Variants in AGBL1 observed in about 807,000 individuals in gnomAD.
AGBL1 encodes cytosolic carboxypeptidase 4.
Under a neutral mutation model 118.9 loss-of-function variants are expected in AGBL1, and 130 were observed. The ratio of observed to expected loss-of-function variants is 1.09; its 90% CI spans 0.95 to 1.26. The LOEUF is 1.26. Among genes scored for constraint, AGBL1 ranks in the 50% most tolerant of loss-of-function variants. AGBL1 has a pLI of 0.00. For synonymous variants in AGBL1, 555 were observed against 478.9 expected (o/e 1.16, Z -2.08); for missense variants, 1,584 against 1,298.1 (o/e 1.22, Z -3.38).
At chr15:86,305,919 A>T (rs1332042820) in intron 17 of AGBL1, among the ~76,000 whole-genome samples, 1 of 152,174 alleles carries the variant, frequency 6.6e-6, no homozygotes, top group Admixed American at 6.5e-5. Context: ...ACAAAGTGTA[A>T]GAGATTATTT....
chr15:86,871,827 C>T (rs1156590969), intron 22 of AGBL1, among the ~76,000 whole-genome samples: 1 of 152,178 alleles, frequency 6.6e-6, no homozygotes, highest in Non-Finnish European at 1.5e-5. Context: ...TGGGACAACA[C>T]TACTTTGTCT....
chr15:86,803,745 G>T (rs1474979222), intron 22 of AGBL1, among the ~76,000 whole-genome samples: 5 of 152,124 alleles, frequency 3.3e-5, no homozygotes, highest in Admixed American at 3.3e-4. Context: ...TAGTGCAGTG[G>T]TCCTCAACCA....
At chr15:86,351,562 C>T (rs886092042) in intron 17 of AGBL1, among the ~76,000 whole-genome samples, 5 of 152,078 alleles carry the variant, frequency 3.3e-5, no homozygotes, top group African/African-American at 1.2e-4. Context: ...GAAGGCCACT[C>T]CTTTGCACAC....
intron 15 of AGBL1, 94 bp from the exon 16 acceptor site, chr15:86,279,545 C>A: frequency 4.0e-6 from 5 of 1,240,956 alleles, no homozygotes; most frequent in Non-Finnish European, 5.7e-6. Flanking sequence ...CAGTATATAA[C>A]GCACAAGATT....
chr15:86,228,858 C>G (rs2141942556), intron 6 of AGBL1, among the ~76,000 whole-genome samples: 1 of 152,320 alleles, frequency 6.6e-6, no homozygotes, highest in South Asian at 2.1e-4. Context: ...TAGTTCTCTT[C>G]TCCAGTTATC....
At chr15:86,461,283 A>G (rs2082332440) in intron 18 of AGBL1, among the ~76,000 whole-genome samples, 2 of 152,140 alleles carry the variant, frequency 1.3e-5, no homozygotes, top group East Asian at 1.9e-4. Flanking sequence ...GGGTTTATAA[A>G]AAATGTTTGC....
At chr15:86,505,619 A>C (rs2082967040) in intron 18 of AGBL1, among the ~76,000 whole-genome samples, 1 of 151,854 alleles carries the variant, frequency 6.6e-6, no homozygotes, top group Non-Finnish European at 1.5e-5. Flanking sequence ...TATTTTGTAA[A>C]ATTTTTGTTT....
chr15:86,513,702 A>G (rs1270162903), intron 18 of AGBL1, among the ~76,000 whole-genome samples: 2 of 152,056 alleles, frequency 1.3e-5, no homozygotes, highest in African/African-American at 2.4e-5. Context: ...TTCTCTATGT[A>G]CTAATTGGAA....
chr15:86,350,591 T>G (rs1157972269), intron 17 of AGBL1, among the ~76,000 whole-genome samples: 1 of 152,202 alleles, frequency 6.6e-6, no homozygotes, highest in Non-Finnish European at 1.5e-5. Context: ...GTCTCCAGGA[T>G]TTGCCTGTAA....
At chr15:86,145,149 A>G (rs898642838) in intron 3 of AGBL1, among the ~76,000 whole-genome samples, 1 of 152,148 alleles carries the variant, frequency 6.6e-6, no homozygotes, top group Non-Finnish European at 1.5e-5. Flanking sequence ...GGCCCACTCT[A>G]ATTTGTAATA....
At chr15:86,186,307 C>T (rs2077632581) in intron 5 of AGBL1, among the ~76,000 whole-genome samples, 1 of 152,172 alleles carries the variant, frequency 6.6e-6, no homozygotes, top group African/African-American at 2.4e-5. Flanking sequence ...TTGATCTGTG[C>T]AGCACAGGTT....
intron 22 of AGBL1, among the ~76,000 whole-genome samples, chr15:86,793,731 A>G (rs1380292882): frequency 6.6e-6 from 1 of 152,224 alleles, no homozygotes; most frequent in African/African-American, 2.4e-5. Flanking sequence ...ATAACGGTCT[A>G]GTATCCAGAA....
At position 86,662,931 on chromosome 15, in the gene AGBL1, A is replaced by G. The variant is rs1013661350; in HGVS notation, c.2995-11342A>G. Among the ~76,000 whole-genome samples, 27 of 152,176 alleles carry G rather than the reference A, an allele frequency of 1.8e-4. 1 individual carries two copies. The highest frequency in any genetic ancestry group is 1.6e-3 in the Admixed American group (25 of 15,278). On this transcript the variant is annotated intron_variant, in intron 21 of 22. Transcript: ENST00000614907. ...CATCTTCATATTAAAATTATTTCAC[A>G]TTTTTGAAAATAGTTTTGATTTGTG...
chr15:86,148,317 A>G (rs2077059260), intron 3 of AGBL1, among the ~76,000 whole-genome samples: 1 of 152,196 alleles, frequency 6.6e-6, no homozygotes, highest in Admixed American at 6.5e-5. Context: ...AAGGTCGGTA[A>G]TAACAAACTT....
At position 86,504,393 on chromosome 15, in the gene AGBL1, T is replaced by A. The variant is rs114043652; in HGVS notation, c.2556-18417T>A. 2.4e-3 allele frequency among the ~76,000 whole-genome samples: 366 copies of A among 151,728 alleles called. 1 individual carries two copies. Among genetic ancestry groups the A allele is most frequent in the African/African-American group, 8.4e-3 (349 of 41,514 alleles). ...TCAATCTTTAGATTGAATTGTTTAA[T>A]CCATTTACATTTAATATAATTACTG... is the stretch of plus-strand genomic sequence containing the variant. On this transcript the variant is annotated intron_variant, in intron 18 of 22. Transcript: ENST00000614907.
chr15:86,333,257 T>G (rs1013362615), intron 17 of AGBL1, among the ~76,000 whole-genome samples: 4 of 152,134 alleles, frequency 2.6e-5, no homozygotes, highest in African/African-American at 7.2e-5. Context: ...GTTGGTTTTT[T>G]GAAAGCATAA....
At chr15:86,130,173 C>A (rs754637652) in intron 1 of AGBL1, among the ~76,000 whole-genome samples, 2 of 152,050 alleles carry the variant, frequency 1.3e-5, no homozygotes, top group Non-Finnish European at 2.9e-5. Flanking sequence ...GAGCTTCGTG[C>A]CCTACCTGAG....
At chr15:86,174,350 A>T (rs1472582317) in intron 5 of AGBL1, among the ~76,000 whole-genome samples, 1 of 152,000 alleles carries the variant, frequency 6.6e-6, no homozygotes, top group Admixed American at 6.5e-5. Flanking sequence ...TTTTTGGTGT[A>T]GTCTTGGTTT....
At chr15:86,803,099 A>G (rs1007096152) in intron 22 of AGBL1, among the ~76,000 whole-genome samples, 5 of 152,080 alleles carry the variant, frequency 3.3e-5, no homozygotes, top group Admixed American at 6.6e-5. Flanking sequence ...AAGAATTTAG[A>G]TTTGTTTCAT....
Sources: allele counts gnomAD v4.1 joint callset (sites outside exome capture counted in the v4.1 genomes callset), GRCh38; gene constraint gnomAD v4.1.1; transcripts MANE v1.5; gene names NCBI Gene and HGNC (gene_info 2026-07-23, HGNC 2026-07-21).